SEPTIN6: variants seen among roughly 807,000 people sequenced by gnomAD.
SEPTIN6 encodes septin-6.
Under a neutral mutation model 33.6 loss-of-function variants are expected in SEPTIN6, and 8 were observed. The observed-to-expected ratio is 0.24, with a 90% CI of 0.14 to 0.43. The LOEUF is 0.43. Among genes scored for constraint, SEPTIN6 ranks in the 20% least tolerant of loss-of-function variants. The pLI is 1.00. For synonymous variants in SEPTIN6, 131 were observed against 140.0 expected, an observed-to-expected ratio of 0.94 and a Z score of 0.45; for missense variants, 250 against 340.8, an observed-to-expected ratio of 0.73 and a Z score of 2.10.
intron 6 of SEPTIN6, among the ~76,000 whole-genome samples, chrX:119,637,973 C>A (rs1355165709): frequency 1.8e-5 from 2 of 112,184 alleles, no homozygotes; most frequent in Non-Finnish European, 3.8e-5. Context: ...AGCAATTTAT[C>A]AGCCAGAGAA....
At chrX:119,669,619 G>T (rs2054708231) in intron 2 of SEPTIN6, among the ~76,000 whole-genome samples, 1 of 111,909 alleles carries the variant, frequency 8.9e-6, no homozygotes, top group Non-Finnish European at 1.9e-5. Flanking sequence ...TGTCATGTTG[G>T]TAGCTTAACA....
At chrX:119,664,747 G>A (rs1038698908) in intron 2 of SEPTIN6, among the ~76,000 whole-genome samples, 1 of 105,953 alleles carries the variant, frequency 9.4e-6, no homozygotes, top group Non-Finnish European at 1.9e-5. Flanking sequence ...GGCTGAGGCA[G>A]GAGAATTACT....
At chrX:119,669,437 C>T (rs2054705120) in intron 2 of SEPTIN6, among the ~76,000 whole-genome samples, 1 of 112,309 alleles carries the variant, frequency 8.9e-6, no homozygotes, top group Non-Finnish European at 1.9e-5. Flanking sequence ...CAAAAGGAAA[C>T]ATTCCAGGAA....
At chrX:119,624,127 C>T (rs1241863131) in intron 10 of SEPTIN6, 2 of 267,619 alleles carry the variant, frequency 7.5e-6, no homozygotes. Context: ...CTTCATTTTC[C>T]TCCGCTTTTA....
At chrX:119,659,482 T>C (rs942364911) in intron 3 of SEPTIN6, among the ~76,000 whole-genome samples, 1 of 112,129 alleles carries the variant, frequency 8.9e-6, no homozygotes, top group Non-Finnish European at 1.9e-5. Context: ...GGATACCATG[T>C]ATCATTCCTT....
chrX:119,658,027 TGAGGCAG>T (rs2054479619), intron 3 of SEPTIN6, among the ~76,000 whole-genome samples: 1 of 111,170 alleles, frequency 9.0e-6, no homozygotes. Context: ...CTCGGGCGGC[TGAGGCAG>T]GAGAATGGCG....
chrX:119,690,414 C>T (rs1466953171), intron 1 of SEPTIN6, among the ~76,000 whole-genome samples: 4 of 108,840 alleles, frequency 3.7e-5, no homozygotes, highest in Non-Finnish European at 7.6e-5. Context: ...CATGGTACCA[C>T]GTCTCAGAGC....
intron 5 of SEPTIN6, among the ~76,000 whole-genome samples, chrX:119,645,818 C>CCA (rs2147517120): frequency 8.9e-6 from 1 of 111,811 alleles, no homozygotes; most frequent in East Asian, 2.8e-4. Context: ...GTGTGAGCCA[C>CCA]TGCACCCAGC....
chrX:119,680,649 A>C (rs1329190801), intron 1 of SEPTIN6, among the ~76,000 whole-genome samples: 1 of 111,468 alleles, frequency 9.0e-6, no homozygotes, highest in Non-Finnish European at 1.9e-5. Flanking sequence ...TTTAAGCAGC[A>C]AACTTTTTGT....
rs759064667 is a variant in SEPTIN6, at chrX:119,654,007, T to C, written c.342-967A>G. On this transcript the variant is annotated intron_variant, in intron 3 of 10. Transcript: ENST00000394610. ...TCGCTTGAACCCGGAAGGCAGAGGT[T>C]GCAGTGAGTGGAGATCATGCCACTG... Among the ~76,000 whole-genome samples the C allele has an allele frequency of 2.2e-3, 245 of 111,145 alleles. 1 individual carries two copies. The highest frequency in any genetic ancestry group is 7.7e-3 in the African/African-American group (235 of 30,520).
chrX:119,669,264 G>A (rs913811383), intron 2 of SEPTIN6, among the ~76,000 whole-genome samples: 4 of 112,933 alleles, frequency 3.5e-5, no homozygotes, highest in African/African-American at 9.6e-5. Context: ...GTCATTCAAC[G>A]AGTATTTACA....
chrX:119,654,759 T>C (rs2054411622), intron 3 of SEPTIN6, among the ~76,000 whole-genome samples: 1 of 111,250 alleles, frequency 9.0e-6, no homozygotes, highest in Non-Finnish European at 1.9e-5. Flanking sequence ...TGGTGCGATC[T>C]CCACTCACTG....
At chrX:119,671,680 T>C (rs748189576) in intron 2 of SEPTIN6, among the ~76,000 whole-genome samples, 2 of 110,138 alleles carry the variant, frequency 1.8e-5, no homozygotes, top group African/African-American at 3.3e-5. Flanking sequence ...GGTGGGAGGA[T>C]TGCTTGAGCC....
At chrX:119,629,585 G>A in intron 8 of SEPTIN6, 77 bp from the exon 9 acceptor site, 1 of 936,916 alleles carries the variant, frequency 1.1e-6, no homozygotes, top group South Asian at 2.2e-5. Context: ...AGGTGGGTGG[G>A]GACCAGTAGG....
intron 1 of SEPTIN6, among the ~76,000 whole-genome samples, chrX:119,678,549 G>A (rs1352287953): frequency 9.0e-6 from 1 of 111,038 alleles, no homozygotes; most frequent in African/African-American, 3.3e-5. Context: ...AGACAGCTGA[G>A]CCTCATGAGT....
intron 1 of SEPTIN6, among the ~76,000 whole-genome samples, chrX:119,677,133 TC>T (rs60285602): frequency 0.13 from 14,638 of 111,235 alleles, 826 homozygotes; most frequent in South Asian, 0.25. Context: ...ACACTGTGGC[TC>T]CCTATGGCTA....
At chrX:119,672,436 G>A (rs1201865506) in intron 2 of SEPTIN6, among the ~76,000 whole-genome samples, 7 of 111,638 alleles carry the variant, frequency 6.3e-5, no homozygotes, top group Admixed American at 5.7e-4. Flanking sequence ...GGGAGCCTGT[G>A]CTCCACATAT....
At chrX:119,692,839 C>T (rs1223850862) in intron 1 of SEPTIN6, among the ~76,000 whole-genome samples, 4 of 112,208 alleles carry the variant, frequency 3.6e-5, no homozygotes, top group African/African-American at 1.3e-4. Flanking sequence ...CAAGTTCAGC[C>T]GCCGGCCCGC....
intron 3 of SEPTIN6, among the ~76,000 whole-genome samples, chrX:119,659,373 G>C (rs375481457): frequency 9.0e-6 from 1 of 111,362 alleles, no homozygotes; most frequent in East Asian, 2.8e-4. Flanking sequence ...ACGGTAATCT[G>C]GCTTCCACCC....
Sources: gnomAD v4.1 joint callset for allele counts (sites outside exome capture counted in the v4.1 genomes callset) on GRCh38, gnomAD v4.1.1 for gene constraint, MANE v1.5 for transcripts, NCBI Gene and HGNC (gene_info 2026-07-23, HGNC 2026-07-21) for gene names.